Variants in CAMK2D observed in about 807,000 individuals in gnomAD.
The protein encoded by CAMK2D is calcium/calmodulin dependent protein kinase II delta, also known as calcium/calmodulin-dependent protein kinase type II subunit delta.
In CAMK2D, 37 loss-of-function variants were observed where a neutral mutation model predicts 84.0. The observed-to-expected ratio is 0.44, with a 90% CI of 0.34 to 0.58. The LOEUF is 0.58. Ranked by LOEUF, CAMK2D falls within the 20% of genes least tolerant of loss-of-function variation. The probability of loss-of-function intolerance (pLI) is 0.02; values close to 1 mark genes in which losing one functional copy is unlikely to be tolerated. For synonymous variants in CAMK2D, 202 were observed against 212.5 expected (o/e 0.95, Z 0.43); for missense variants, 448 against 652.5 (o/e 0.69, Z 3.41).
intron 2 of CAMK2D, among the ~76,000 whole-genome samples, chr4:113,692,012 A>T (rs1375087808): frequency 4.6e-5 from 7 of 152,230 alleles, no homozygotes; most frequent in Non-Finnish European, 8.8e-5. Context: ...AACAGTTACG[A>T]GCAAGAATTA....
At chr4:113,489,778 T>C (rs1307574058) in intron 16 of CAMK2D, among the ~76,000 whole-genome samples, 2 of 130,570 alleles carry the variant, frequency 1.5e-5, no homozygotes, top group East Asian at 2.2e-4. Context: ...AGTGTTCCTA[T>C]TTCTCCACAT....
chr4:113,487,542 C>T (rs2097777387), intron 16 of CAMK2D, among the ~76,000 whole-genome samples: 1 of 151,826 alleles, frequency 6.6e-6, no homozygotes, highest in South Asian at 2.1e-4. Flanking sequence ...TGAATGAGCT[C>T]AAATATTAAT....
Position 113,736,482 on chromosome 4 carries a change from T to C in CAMK2D, c.160+22838A>G, listed in dbSNP as rs558144012. Reference sequence around the variant, plus strand: ...GTCAAAGTTTGTTTCTGTTTTGTTGTATTGCATTGTTTTAAATTGAGTGAA... The same window carrying C: ...GTCAAAGTTTGTTTCTGTTTTGTTGCATTGCATTGTTTTAAATTGAGTGAA... On this transcript the variant is annotated intron_variant, in intron 2 of 20. Transcript: ENST00000511664. 2.6e-5 allele frequency among the ~76,000 whole-genome samples: 4 copies of C among 152,334 alleles called. No individual in the cohort carries two copies. The South Asian group carries it at 8.3e-4, about 32-fold the overall frequency.
At chr4:113,758,459 T>C (rs1249332136) in intron 2 of CAMK2D, among the ~76,000 whole-genome samples, 1 of 152,180 alleles carries the variant, frequency 6.6e-6, no homozygotes, top group African/African-American at 2.4e-5. Flanking sequence ...TGGAATTTCT[T>C]CTCTCATTAC....
intron 2 of CAMK2D, among the ~76,000 whole-genome samples, chr4:113,723,857 G>A (rs2099538289): frequency 6.6e-6 from 1 of 152,046 alleles, no homozygotes; most frequent in Non-Finnish European, 1.5e-5. Context: ...TTGTTATCAA[G>A]GTTAAAGTAT....
chr4:113,505,901 G>A (rs938536310), intron 13 of CAMK2D, among the ~76,000 whole-genome samples: 1 of 151,984 alleles, frequency 6.6e-6, no homozygotes, highest in African/African-American at 2.4e-5. Context: ...CAACTGAGTC[G>A]GGGCACTAAG....
At chr4:113,681,154 C>T (rs1319605593) in intron 2 of CAMK2D, among the ~76,000 whole-genome samples, 1 of 152,100 alleles carries the variant, frequency 6.6e-6, no homozygotes, top group Non-Finnish European at 1.5e-5. Context: ...ATATTATGTG[C>T]AATACTTCTG....
At chr4:113,715,763 G>T (rs72678792) in intron 2 of CAMK2D, among the ~76,000 whole-genome samples, 4,060 of 152,150 alleles carry the variant, frequency 0.027, 85 homozygotes, top group Middle Eastern at 0.058. Context: ...TCTCAAATTC[G>T]CTTGATCAAG....
chr4:113,697,992 C>T (rs1351437495), intron 2 of CAMK2D, among the ~76,000 whole-genome samples: 1 of 152,024 alleles, frequency 6.6e-6, no homozygotes, highest in African/African-American at 2.4e-5. Context: ...TCCCAATAAA[C>T]CCATCAGAAG....
chr4:113,695,401 C>T (rs766324785), intron 2 of CAMK2D, among the ~76,000 whole-genome samples: 16 of 152,094 alleles, frequency 1.1e-4, no homozygotes, highest in Non-Finnish European at 1.5e-4. Context: ...AGGGTCAACT[C>T]TCTATCTCCA....
intron 3 of CAMK2D, among the ~76,000 whole-genome samples, chr4:113,628,745 T>C (rs2099077643): frequency 6.6e-6 from 1 of 152,142 alleles, no homozygotes; most frequent in South Asian, 2.1e-4. Flanking sequence ...TAATTTTTTT[T>C]CCTTCTTTTA....
At chr4:113,620,909 T>C (rs1561412129) in intron 3 of CAMK2D, among the ~76,000 whole-genome samples, 2 of 152,152 alleles carry the variant, frequency 1.3e-5, no homozygotes, top group Non-Finnish European at 2.9e-5. Flanking sequence ...CTAAATCTTA[T>C]TAAAGTGTGA....
At chr4:113,743,009 T>C (rs1157595931) in intron 2 of CAMK2D, among the ~76,000 whole-genome samples, 1 of 152,228 alleles carries the variant, frequency 6.6e-6, no homozygotes, top group African/African-American at 2.4e-5. Context: ...GAAACTTAGA[T>C]TGTAAATTAC....
At chr4:113,528,194 G>A (rs1477452649) in intron 8 of CAMK2D, among the ~76,000 whole-genome samples, 1 of 152,090 alleles carries the variant, frequency 6.6e-6, no homozygotes, top group African/African-American at 2.4e-5. Context: ...GCATATATCA[G>A]TTATCTAGAA....
intron 9 of CAMK2D, 35 bp downstream of exon 9, chr4:113,517,528 C>T (rs1370246498): frequency 1.0e-6 from 1 of 988,818 alleles, no homozygotes; most frequent in Non-Finnish European, 1.5e-6. Flanking sequence ...AAAGACAAAC[C>T]TTCATCTAAA....
chr4:113,743,628 C>T (rs562216948), intron 2 of CAMK2D, among the ~76,000 whole-genome samples: 1 of 152,256 alleles, frequency 6.6e-6, no homozygotes, highest in South Asian at 2.1e-4. Flanking sequence ...TTCATTTTCC[C>T]CAAGCTTATC....
intron 16 of CAMK2D, among the ~76,000 whole-genome samples, chr4:113,493,200 T>C (rs371023351): frequency 6.6e-6 from 1 of 151,436 alleles, no homozygotes; most frequent in East Asian, 1.9e-4. Flanking sequence ...GTTAGCTGGT[T>C]ATTTTGCTCG....
At chr4:113,563,321 C>T (rs1227504022) in intron 4 of CAMK2D, among the ~76,000 whole-genome samples, 9 of 152,150 alleles carry the variant, frequency 5.9e-5, no homozygotes, top group Non-Finnish European at 2.9e-5. Context: ...TTGTAGGCAT[C>T]ATTACTGACA....
chr4:113,712,125 T>C (rs1354292940), intron 2 of CAMK2D, among the ~76,000 whole-genome samples: 4 of 152,162 alleles, frequency 2.6e-5, no homozygotes, highest in African/African-American at 9.7e-5. Flanking sequence ...CATTTAGAGA[T>C]AAAACTCATT....
Sources: gnomAD v4.1 joint callset for allele counts (sites outside exome capture counted in the v4.1 genomes callset) on GRCh38, gnomAD v4.1.1 for gene constraint, MANE v1.5 for transcripts, NCBI Gene and HGNC (gene_info 2026-07-23, HGNC 2026-07-21) for gene names.